Variants in SMARCA4 observed in about 807,000 individuals in gnomAD.
SMARCA4 encodes SWI/SNF-related matrix-associated actin-dependent regulator of chromatin subfamily A member 4.
Under a neutral mutation model 193.9 loss-of-function variants are expected in SMARCA4, and 31 were observed. The observed-to-expected ratio is 0.16, with a 90% CI of 0.12 to 0.22. The LOEUF is 0.22. Among genes scored for constraint, SMARCA4 ranks in the 10% least tolerant of loss-of-function variants. The pLI, the probability that SMARCA4 is intolerant of heterozygous loss-of-function variation, is 1.00. For missense variants in SMARCA4, 1,148 were observed against 2,296.0 expected (o/e 0.50, Z 10.22); for synonymous variants, 942 against 933.1 (o/e 1.01, Z -0.17).
chr19:11,061,611 C>G (rs1017825739), intron 34 of SMARCA4, 173 bp from the exon 35 acceptor site: 1 of 689,574 alleles, frequency 1.5e-6, no homozygotes. Context: ...CTCCTGACCT[C>G]GTGATCCGCC....
chr19:10,988,280 C>T (rs2086246546), intron 6 of SMARCA4, among the ~76,000 whole-genome samples: 1 of 152,198 alleles, frequency 6.6e-6, no homozygotes, highest in Admixed American at 6.5e-5. Context: ...GCCACCACAC[C>T]TGGCTAATTT....
chr19:11,025,399 G>A (rs1384639455), intron 21 of SMARCA4, 23 bp from the exon 22 acceptor site: 18 of 1,585,676 alleles, frequency 1.1e-5, no homozygotes, highest in Non-Finnish European at 1.3e-5. Flanking sequence ...ACCCCATTTG[G>A]GTCCCTCTCA....
rs1190857650 is a variant in SMARCA4, at chr19:11,019,284, T to C, written c.2505+261T>C. On this transcript the variant is annotated intron_variant, in intron 17 of 34. Coordinates refer to ENST00000344626, the MANE Select transcript of SMARCA4 (RefSeq NM_003072.5). This position sits in a 1 kb window ranked among gnomAD's most constrained non-coding sequence, Gnocchi z 6.1. ...CAGAGGCCAGCTCAGGCGCCTGAGA[T>C]GGGGACCCAGGAAGAGGGGAGCCTG... 3.3e-6 allele frequency: 2 copies of C among 610,016 alleles called. No homozygotes were observed. Among genetic ancestry groups the C allele is most frequent in the African/African-American group, 3.7e-5 (2 of 54,330 alleles). 37.8% of individuals were successfully genotyped at this position (610,016 alleles called of 1,614,324 possible).
intron 30 of SMARCA4, among the ~76,000 whole-genome samples, chr19:11,045,527 T>C (rs924814513): frequency 6.6e-6 from 1 of 152,220 alleles, no homozygotes. Context: ...ACATGAGATA[T>C]GTACACTTCT....
At chr19:11,055,813 C>G (rs2076515461) in intron 30 of SMARCA4, among the ~76,000 whole-genome samples, 1 of 151,904 alleles carries the variant, frequency 6.6e-6, no homozygotes, top group Admixed American at 6.6e-5. Flanking sequence ...AGGCTGGTCT[C>G]AAACTCCTGG....
intron 13 of SMARCA4, among the ~76,000 whole-genome samples, chr19:11,003,769 T>C (rs2087891451): frequency 6.6e-6 from 1 of 151,170 alleles, no homozygotes; most frequent in African/African-American, 2.4e-5. Context: ...TGGAGTGCAC[T>C]GGTGCAATCT....
chr19:11,003,098 C>G lies in SMARCA4; in HGVS notation c.1882C>G (p.Leu628Val), dbSNP rs1555768351. The G allele has an allele frequency of 6.2e-7, 1 of 1,614,140 alleles. No homozygotes were observed. Among genetic ancestry groups the G allele is most frequent in the Non-Finnish European group, 8.5e-7 (1 of 1,180,028 alleles). The change falls in exon 12 of 35, where the codon CTC (leucine) becomes GTC (valine). Residue 628 changes from leucine to valine, a missense_variant. By Grantham distance (32) the Leu-to-Val change is conservative. Coordinates refer to ENST00000344626, the MANE Select transcript of SMARCA4 (RefSeq NM_003072.5). ...GATCCACGTGGAGAGTGGGAAGATC[C>G]TCACAGGCACAGATGCCCCCAAAGC... ...KVIHVESGKILTGTDAPKAGQ... is the reference protein window; with the variant it reads ...KVIHVESGKIVTGTDAPKAGQ...
At chr19:11,021,561 T>A (rs1439742953) in intron 18 of SMARCA4, 164 bp from the exon 19 acceptor site, 1 of 845,094 alleles carries the variant, frequency 1.2e-6, no homozygotes, top group Non-Finnish European at 1.9e-6. Context: ...TGGCTCCAAC[T>A]CGGTGAGTCA....
intron 6 of SMARCA4, among the ~76,000 whole-genome samples, chr19:10,988,190 G>A (rs1231678326): frequency 4.0e-5 from 6 of 151,744 alleles, no homozygotes; most frequent in Non-Finnish European, 7.4e-5. Flanking sequence ...GCACAATCTC[G>A]GTTCACTGCA....
chr19:11,018,514 C>A (rs1369609412), intron 16 of SMARCA4, among the ~76,000 whole-genome samples: 2 of 152,126 alleles, frequency 1.3e-5, no homozygotes, highest in South Asian at 4.1e-4. Context: ...CAGTCAGGAA[C>A]CTTCCGTGGC....
At chr19:11,039,059 T>TA (rs370936227) in intron 29 of SMARCA4, among the ~76,000 whole-genome samples, 165 of 146,226 alleles carry the variant, frequency 1.1e-3, no homozygotes, top group African/African-American at 1.9e-3. Context: ...TTGTCTCTAT[T>TA]AAAAAAAAAA....
intron 1 of SMARCA4, among the ~76,000 whole-genome samples, chr19:10,973,991 A>G (rs2084897678): frequency 6.6e-6 from 1 of 152,232 alleles, no homozygotes; most frequent in African/African-American, 2.4e-5. Flanking sequence ...AGCCTCTGCC[A>G]TAACCTGACT....
rs2076924862 is a variant in SMARCA4, at chr19:11,062,034, TAAAGA to T, written c.*219_*223del. ...GCATCTGTAACAGCATTAACTGTCT[TAAAGA>T]GAGAGAGAGAGAATTCCGAATTGGG... On this transcript the variant is annotated 3_prime_UTR_variant, in exon 35 of 35. Transcript: ENST00000344626. The T allele has an allele frequency of 8.3e-6, 5 of 600,432 alleles. No homozygotes were observed. 37.2% of individuals were successfully genotyped at this position (600,432 alleles called of 1,614,324 possible).
intron 15 of SMARCA4, chr19:11,010,808 C>T: frequency 2.1e-6 from 1 of 485,224 alleles, no homozygotes; most frequent in Non-Finnish European, 3.8e-6. Flanking sequence ...CCAGTGGCCT[C>T]ACAGAGGAGA....
rs1427675803 is a variant in SMARCA4, at chr19:10,984,590, G to A, written c.222+217G>A. Among the ~76,000 whole-genome samples, 2 of 152,250 alleles carry A rather than the reference G, an allele frequency of 1.3e-5. No homozygotes were observed. The highest frequency in any genetic ancestry group is 2.9e-5 in the Non-Finnish European group (2 of 68,032). On this transcript the variant is annotated intron_variant, in intron 2 of 34. Transcript: ENST00000344626. This position sits in a 1 kb window ranked among gnomAD's most constrained non-coding sequence, Gnocchi z 4.3. Reference sequence around the variant, plus strand: ...TGCTGGCGCATGATCTGGGCCCCGCGGGCACCTGCCCCACCGTTTCCCGCT... The same window carrying A: ...TGCTGGCGCATGATCTGGGCCCCGCAGGCACCTGCCCCACCGTTTCCCGCT...
At chr19:11,061,598 G>C (rs750176596) in intron 34 of SMARCA4, 186 bp from the exon 35 acceptor site, 2 of 660,532 alleles carry the variant, frequency 3.0e-6, no homozygotes, top group South Asian at 1.6e-5. Flanking sequence ...GGATGGTCTC[G>C]ATCTCCTGAC....
At chr19:11,061,710 G>A in intron 34 of SMARCA4, 74 bp from the exon 35 acceptor site, 1 of 1,414,052 alleles carries the variant, frequency 7.1e-7, no homozygotes, top group Non-Finnish European at 1.0e-6. Context: ...TTTATTTAAA[G>A]TTTGGCAGGT....
chr19:10,992,113 C>CTTT lies in SMARCA4; in HGVS notation c.1419+804_1419+806dup, dbSNP rs545950698. Among the ~76,000 whole-genome samples the CTTT allele has an allele frequency of 4.9e-3, 690 of 142,104 alleles. 9 individuals are homozygous for CTTT. Among genetic ancestry groups the CTTT allele is most frequent in the African/African-American group, 0.015 (585 of 38,886 alleles). The allele number at this position is 142,104 out of a possible 152,430, so 93.2% of individuals were successfully genotyped here. A position where few individuals can be genotyped will look rare whatever the true frequency, so the allele number is the denominator to read the frequency against. ...CAGTCAACACAGCAATCTCTGTTAA[C>CTTT]TTTTTTTTTTTTTTTTGAGATGGAG... On this transcript the variant is annotated intron_variant, in intron 8 of 34. Coordinates refer to ENST00000344626, the MANE Select transcript of SMARCA4 (RefSeq NM_003072.5).
At chr19:11,057,378 C>T (rs545407463) in intron 30 of SMARCA4, among the ~76,000 whole-genome samples, 9 of 152,308 alleles carry the variant, frequency 5.9e-5, no homozygotes, top group South Asian at 2.1e-4. Context: ...TGCACAAGGG[C>T]GCTTCCTGTG....
Sources: gnomAD v4.1 joint callset for allele counts (sites outside exome capture counted in the v4.1 genomes callset) on GRCh38, gnomAD v4.1.1 for gene constraint, Gnocchi (gnomAD v3.1) non-coding constraint, MANE v1.5 for transcripts, NCBI Gene and HGNC (gene_info 2026-07-23, HGNC 2026-07-21) for gene names.